Variants in PCDHGA2 observed in about 807,000 individuals in gnomAD.
PCDHGA2 encodes the protein protocadherin gamma subfamily A, 2.
PCDHGA2 carries 40 observed loss-of-function variants against 59.2 expected under a neutral mutation model. The observed-to-expected ratio is 0.68, with a 90% confidence interval of 0.52 to 0.88. The LOEUF is 0.88. PCDHGA2 is among the 40% of genes least tolerant of loss of function. The pLI, the probability that PCDHGA2 is intolerant of heterozygous loss-of-function variation, is 0.00. For synonymous variants in PCDHGA2, 560 were observed against 526.0 expected (o/e 1.06, Z -0.89); for missense variants, 1,226 against 1,204.0 (o/e 1.02, Z -0.27).
chr5:141,446,279 G>A (rs1326701686), intron 1 of PCDHGA2, among the ~76,000 whole-genome samples: 1 of 152,096 alleles, frequency 6.6e-6, no homozygotes, highest in African/African-American at 2.4e-5. Context: ...AAATACAATG[G>A]ATAAATGGGG....
At position 141,485,831 on chromosome 5, in the gene PCDHGA2, C is replaced by A; in HGVS notation, c.2425-8976C>A. The A allele has an allele frequency of 6.2e-7, 1 of 1,614,080 alleles. No individual in the cohort carries two copies. Among genetic ancestry groups the A allele is most frequent in the Non-Finnish European group, 8.5e-7 (1 of 1,180,026 alleles). ...GCTGACTGCTGTCGATGGAGGGAAC[C>A]CGCCGAGATCTGGCACCGCAGAGCT... On this transcript the variant is annotated intron_variant, in intron 1 of 3. Coordinates refer to ENST00000394576, the MANE Select transcript of PCDHGA2 (RefSeq NM_018915.4). The surrounding 1 kb of genome is among the most constrained non-coding windows in gnomAD (Gnocchi z 5.7).
In PCDHGA2 at chr5:141,477,029, A is replaced by C; in HGVS notation, c.2425-17778A>C. 6.2e-7 allele frequency: 1 copy of C among 1,614,238 alleles called. No homozygotes were observed. The highest frequency in any genetic ancestry group is 8.5e-7 in the Non-Finnish European group (1 of 1,180,040). Reference sequence around the variant, plus strand: ...CTTAGACCTTGTAACCGGGATGCTGACAATCAAGGGTCGGCTGGACTTCGA... The same window carrying C: ...CTTAGACCTTGTAACCGGGATGCTGCCAATCAAGGGTCGGCTGGACTTCGA... On this transcript the variant is annotated intron_variant, in intron 1 of 3. Transcript: ENST00000394576. This position sits in a 1 kb window ranked among gnomAD's most constrained non-coding sequence, Gnocchi z 4.9.
chr5:141,422,744 T>C, intron 1 of PCDHGA2: 1 of 1,610,696 alleles, frequency 6.2e-7, no homozygotes, highest in Non-Finnish European at 8.5e-7. Flanking sequence ...TCCTCCTATG[T>C]CTCTATTAAC....
intron 1 of PCDHGA2, chr5:141,413,324 G>A: frequency 6.2e-7 from 1 of 1,613,968 alleles, no homozygotes; most frequent in South Asian, 1.1e-5. Context: ...TCTTTCGTGG[G>A]CAACATCTCC....
chr5:141,421,358 C>T (rs2096566137), intron 1 of PCDHGA2: 1 of 1,613,870 alleles, frequency 6.2e-7, no homozygotes, highest in Non-Finnish European at 8.5e-7. Context: ...GAAAAGGGCT[C>T]CTTCGTGGGC....
intron 1 of PCDHGA2, among the ~76,000 whole-genome samples, chr5:141,460,979 GTGTGTATATA>G (rs143444831): frequency 0.04 from 5,417 of 134,264 alleles, 125 homozygotes; most frequent in South Asian, 0.082. Context: ...GTGTGTGTGT[GTGTGTATATA>G]TATATATGTG....
At chr5:141,372,344 A>G in intron 1 of PCDHGA2, 1 of 1,613,770 alleles carries the variant, frequency 6.2e-7, no homozygotes, top group Non-Finnish European at 8.5e-7. Flanking sequence ...GTGATGGAGG[A>G]CAGCAGCCTC....
chr5:141,428,376 A>G (rs2097136159), intron 1 of PCDHGA2: 2 of 528,068 alleles, frequency 3.8e-6, no homozygotes, highest in African/African-American at 1.9e-5. Flanking sequence ...TGCACCTGCG[A>G]TGCTCTTCCA....
At chr5:141,441,730 A>ATGGT in intron 1 of PCDHGA2, 1 of 362,748 alleles carries the variant, frequency 2.8e-6, no homozygotes, top group South Asian at 2.2e-5. Flanking sequence ...CGCGACCAGG[A>ATGGT]CTAGCTCGCG....
chr5:141,400,299 A>C, intron 1 of PCDHGA2: 1 of 1,613,834 alleles, frequency 6.2e-7, no homozygotes, highest in South Asian at 1.1e-5. Context: ...GCTGCTTCCA[A>C]CCTGGTCTCT....
chr5:141,350,741 G>C, intron 1 of PCDHGA2: 1 of 1,613,944 alleles, frequency 6.2e-7, no homozygotes, highest in South Asian at 1.1e-5. Flanking sequence ...AGATGTGGAA[G>C]GCAATTCACT....
chr5:141,456,178 A>G (rs1216202318), intron 1 of PCDHGA2, among the ~76,000 whole-genome samples: 1 of 151,926 alleles, frequency 6.6e-6, no homozygotes, highest in African/African-American at 2.4e-5. Context: ...ATTACAGAAT[A>G]ATTTCTTAAT....
chr5:141,344,399 A>T, intron 1 of PCDHGA2: 1 of 1,611,694 alleles, frequency 6.2e-7, no homozygotes, highest in Middle Eastern at 1.7e-4. Flanking sequence ...TAGAAATAGA[A>T]ATTAAAGATA....
Position 141,491,897 on chromosome 5 carries a change from C to G in PCDHGA2, c.2425-2910C>G. The stretch of plus-strand genomic sequence containing the variant: ...GATTAAGGGATGGGGCTCCGAGCAC[C>G]GGGGGTGGTGGCGACTGTGGGCGAG... On this transcript the variant is annotated intron_variant, in intron 1 of 3. Transcript: ENST00000394576. This position sits in a 1 kb window ranked among gnomAD's most constrained non-coding sequence, Gnocchi z 6.9. 7 of 1,432,534 alleles carry G rather than the reference C, an allele frequency of 4.9e-6. No homozygotes were observed. The highest frequency in any genetic ancestry group is 6.5e-6 in the Non-Finnish European group (7 of 1,082,898). 88.7% of individuals were successfully genotyped at this position (1,432,534 alleles called of 1,614,324 possible).
At position 141,340,891 on chromosome 5, in the gene PCDHGA2, G is replaced by A; in HGVS notation, c.1920G>A (p.Gln640=). The A allele has an allele frequency of 6.2e-7, 1 of 1,613,716 alleles. No individual in the cohort carries two copies. Among genetic ancestry groups the A allele is most frequent in the Non-Finnish European group, 8.5e-7 (1 of 1,179,932 alleles). The change falls in exon 1 of 4, where the codon CAG becomes CAA. Residue 640 remains glutamine, a synonymous_variant. Transcript: ENST00000394576. Reference sequence around the variant, plus strand: ...TGCTGGACAGAGACGCGCTCAAGCAGAGCCTCGTGGTGGCCATCCAGGACC... The same window carrying A: ...TGCTGGACAGAGACGCGCTCAAGCAAAGCCTCGTGGTGGCCATCCAGGACC... ...RALLDRDALK[Q]SLVVAIQDHG...
chr5:141,412,050 A>G (rs1465943762), intron 1 of PCDHGA2: 1 of 152,222 alleles, frequency 6.6e-6, no homozygotes, highest in African/African-American at 2.4e-5. Flanking sequence ...GTGAACTTCT[A>G]TACCCTTTGC....
chr5:141,381,826 C>CTTCTTT (rs1777532522), intron 1 of PCDHGA2, among the ~76,000 whole-genome samples: 105 of 74,288 alleles, frequency 1.4e-3, no homozygotes, highest in Non-Finnish European at 1.6e-3. Flanking sequence ...CTTTCTTCTT[C>CTTCTTT]TTTTTTTTTT....
intron 1 of PCDHGA2, chr5:141,410,848 T>TA: frequency 1.9e-5 from 7 of 365,918 alleles, no homozygotes; most frequent in Non-Finnish European, 3.2e-5. Context: ...TTTGTCTTTG[T>TA]CTTTTTTTTT....
intron 1 of PCDHGA2, chr5:141,360,369 C>A (rs371508602): frequency 1.9e-6 from 3 of 1,613,726 alleles, no homozygotes; most frequent in Non-Finnish European, 2.5e-6. Context: ...TCACAGTAAA[C>A]CCAGAAAGCG....
Sources: allele counts gnomAD v4.1 joint callset (sites outside exome capture counted in the v4.1 genomes callset), GRCh38; gene constraint gnomAD v4.1.1; non-coding constraint Gnocchi (gnomAD v3.1); transcripts MANE v1.5; gene names NCBI Gene and HGNC (gene_info 2026-07-23, HGNC 2026-07-21).